The following BLOC1S1 variants were observed in gnomAD, a reference collection of about 807,000 sequenced individuals.
BLOC1S1 encodes biogenesis of lysosome-related organelles complex 1 subunit 1.
BLOC1S1 carries 11 observed loss-of-function variants against 19.0 expected under a neutral mutation model. The observed-to-expected ratio is 0.58, with a 90% confidence interval of 0.37 to 0.96. BLOC1S1 has a LOEUF of 0.96. Among genes scored for constraint, BLOC1S1 ranks in the 40% least tolerant of loss-of-function variants. The pLI is 0.01. For synonymous variants in BLOC1S1, 94 were observed against 76.4 expected (o/e 1.23, Z -1.20); for missense variants, 220 against 195.9 (o/e 1.12, Z -0.73).
At chr12:55,719,025 A>C in intron 2 of BLOC1S1, 66 bp from the exon 3 acceptor site, 1 of 1,561,324 alleles carries the variant, frequency 6.4e-7, no homozygotes, top group Non-Finnish European at 8.7e-7. Flanking sequence ...GCTGCAATGG[A>C]ATATTAGTCC....
intron 1 of BLOC1S1, chr12:55,716,720 G>C: frequency 7.6e-7 from 1 of 1,308,720 alleles, no homozygotes; most frequent in Non-Finnish European, 9.7e-7. Context: ...GTCCCTGAGT[G>C]AGTCCATTTC....
intron 1 of BLOC1S1, chr12:55,716,727 TTTCC>T: frequency 7.7e-7 from 1 of 1,298,178 alleles, no homozygotes; most frequent in South Asian, 2.0e-5. Context: ...AGTGAGTCCA[TTTCC>T]CTCCCAGGGT....
At position 55,719,205 on chromosome 12, in the gene BLOC1S1, C is replaced by T; in HGVS notation, c.333C>T (p.Asn111=). Residue 111 remains asparagine, a synonymous_variant, in exon 3 of 4, where the codon AAC becomes AAT. Transcript: ENST00000548925. ...GCCAGTGGATCGGAATGGTGGAGAA[C>T]TTCAACCAGGCACTCAAGGTGGGCC... The part of the protein sequence containing the change: ...QTGQWIGMVE[N]FNQALKEIGD... 1 of 1,614,016 alleles carries T rather than the reference C, an allele frequency of 6.2e-7. No homozygotes were observed.
chr12:55,718,937 G>T (rs1876768880), intron 2 of BLOC1S1, among the ~76,000 whole-genome samples, 154 bp from the exon 3 acceptor site: 1 of 152,030 alleles, frequency 6.6e-6, no homozygotes, highest in Non-Finnish European at 1.5e-5. Context: ...GGGTTTATTT[G>T]CATGTACTGG....
chr12:55,716,341 G>A, intron 1 of BLOC1S1, 145 bp downstream of exon 1: 2 of 1,475,180 alleles, frequency 1.4e-6, no homozygotes, highest in Non-Finnish European at 1.8e-6. Flanking sequence ...TTTCAGAGAG[G>A]CTTTTTTTGA....
At chr12:55,718,502 G>GTGTGTGTC (rs1243824625) in intron 2 of BLOC1S1, among the ~76,000 whole-genome samples, 1 of 151,822 alleles carries the variant, frequency 6.6e-6, no homozygotes, top group African/African-American at 2.4e-5. Context: ...ATGTGTGTGT[G>GTGTGTGTC]TGTGTGTGTG....
At chr12:55,719,362 TAGAG>T in intron 3 of BLOC1S1, 133 bp from the exon 4 acceptor site, 2 of 1,496,674 alleles carry the variant, frequency 1.3e-6, no homozygotes, top group Non-Finnish European at 1.8e-6. Flanking sequence ...TCAGAAAAGG[TAGAG>T]AAAGAAAGAA....
Position 55,719,542 on chromosome 12 carries a change from A to G in BLOC1S1, c.395A>G (p.Asp132Gly). ...VENWARSIEL[D>G]MRTIATALEY... ...AACTGGGCTCGGAGCATCGAGCTGG[A>G]CATGCGCACCATTGCCACTGCACTG... Residue 132 changes from aspartate (D) to glycine (G), a missense_variant, in exon 4 of 4, where the codon GAC becomes GGC. By Grantham distance (94) the Asp-to-Gly change is moderately conservative. Coordinates refer to ENST00000548925, the MANE Select transcript of BLOC1S1 (RefSeq NM_001487.4). 1 of 1,614,160 alleles carries G rather than the reference A, an allele frequency of 6.2e-7. No individual in the cohort carries two copies. The highest frequency in any genetic ancestry group is 8.5e-7 in the Non-Finnish European group (1 of 1,180,028).
At chr12:55,716,235 G>A (rs748866933) in intron 1 of BLOC1S1, 39 bp downstream of exon 1, 4 of 1,572,792 alleles carry the variant, frequency 2.5e-6, no homozygotes, top group Non-Finnish European at 3.4e-6. Flanking sequence ...CTCTTCGGCC[G>A]CGGCCTAGCT....
intron 2 of BLOC1S1, among the ~76,000 whole-genome samples, chr12:55,718,824 C>A (rs373367420): frequency 6.6e-6 from 1 of 152,116 alleles, no homozygotes; most frequent in African/African-American, 2.4e-5. Flanking sequence ...TCCCTTCCCC[C>A]ACTCAGCTGC....
chr12:55,716,376 T>G, intron 1 of BLOC1S1, 180 bp downstream of exon 1: 1 of 1,431,274 alleles, frequency 7.0e-7, no homozygotes. Flanking sequence ...GCCAACTGGC[T>G]CCGGTCCCTT....
chr12:55,716,080 C>A lies in BLOC1S1; in HGVS notation c.29C>A (p.Ser10Tyr). The stretch of plus-strand genomic sequence containing the variant: ...GCCCCGGGGAGCCGAGGTGAGCGTT[C>A]CAGCTTCCGGAGCCGGAGGGGGCCC... MAPGSRGER[S>Y]SFRSRRGPGV... Residue 10 changes from serine (S) to tyrosine (Y), a missense_variant, in exon 1 of 4, where the codon TCC becomes TAC. By Grantham distance (144) the Ser-to-Tyr change is moderately radical. Transcript: ENST00000548925. 6.3e-7 allele frequency: 1 copy of A among 1,577,270 alleles called. No homozygotes were observed. The highest frequency in any genetic ancestry group is 8.6e-7 in the Non-Finnish European group (1 of 1,162,210).
intron 2 of BLOC1S1, among the ~76,000 whole-genome samples, 172 bp downstream of exon 2, chr12:55,717,177 C>T (rs1469745662): frequency 1.3e-5 from 2 of 152,218 alleles, no homozygotes; most frequent in Non-Finnish European, 2.9e-5. Context: ...AACTCTGAGT[C>T]CTAGCACTGG....
intron 1 of BLOC1S1, 63 bp from the exon 2 acceptor site, chr12:55,716,870 C>T: frequency 6.8e-7 from 1 of 1,474,004 alleles, no homozygotes; most frequent in Non-Finnish European, 9.2e-7. Context: ...GGGTAGGGAA[C>T]CTTTAACACT....
intron 1 of BLOC1S1, chr12:55,716,425 C>G (rs1876533470): frequency 1.5e-6 from 2 of 1,375,414 alleles, no homozygotes; most frequent in Non-Finnish European, 9.3e-7. Flanking sequence ...CCCCCAATCC[C>G]CGACCTGCCG....
In BLOC1S1 at chr12:55,719,490, C is replaced by T. The variant is rs777904559; in HGVS notation, c.352-9C>T. 6.2e-7 allele frequency: 1 copy of T among 1,613,234 alleles called. No homozygotes were observed. Among genetic ancestry groups the T allele is most frequent in the African/African-American group, 1.3e-5 (1 of 74,934 alleles). On this transcript the variant is annotated splice_polypyrimidine_tract_variant and intron_variant, in intron 3 of 3. Transcript: ENST00000548925. ...TTCCTGGGCTCCCACCTCCTCTCCC[C>T]CTTCCCAGGAAATTGGGGATGTGGA...
At position 55,719,179 on chromosome 12, in the gene BLOC1S1, G is replaced by C; in HGVS notation, c.307G>C (p.Gly103Arg). 1 of 1,613,984 alleles carries C rather than the reference G, an allele frequency of 6.2e-7. No individual in the cohort carries two copies. The highest frequency in any genetic ancestry group is 1.6e-4 in the Middle Eastern group (1 of 6,062). The part of the protein sequence containing the change: ...VQAAQFAKQT[G>R]QWIGMVENFN... Reference sequence around the variant, plus strand: ...GGCTGCCCAATTTGCCAAGCAGACAGGCCAGTGGATCGGAATGGTGGAGAA... The same window carrying C: ...GGCTGCCCAATTTGCCAAGCAGACACGCCAGTGGATCGGAATGGTGGAGAA... Residue 103 changes from glycine to arginine, a missense_variant, in exon 3 of 4, where the codon GGC becomes CGC. Coordinates refer to ENST00000548925, the MANE Select transcript of BLOC1S1 (RefSeq NM_001487.4).
chr12:55,716,348 T>G, intron 1 of BLOC1S1, 152 bp downstream of exon 1: 6 of 1,469,888 alleles, frequency 4.1e-6, no homozygotes, highest in Non-Finnish European at 5.4e-6. Flanking sequence ...GAGGCTTTTT[T>G]TGAAACTCCT....
At chr12:55,718,327 A>C (rs1008749277) in intron 2 of BLOC1S1, among the ~76,000 whole-genome samples, 2 of 152,202 alleles carry the variant, frequency 1.3e-5, no homozygotes, top group African/African-American at 4.8e-5. Flanking sequence ...TGGGAAGTGA[A>C]AAATTCAACA....
Sources: allele counts gnomAD v4.1 joint callset (sites outside exome capture counted in the v4.1 genomes callset), GRCh38; gene constraint gnomAD v4.1.1; transcripts MANE v1.5; gene names NCBI Gene and HGNC (gene_info 2026-07-23, HGNC 2026-07-21).